GALNT13: variants seen among roughly 807,000 people sequenced by gnomAD.
GALNT13 encodes UDP-GalNAc:polypeptide N-acetylgalactosaminyltransferase 13.
GALNT13 carries 28 observed loss-of-function variants against 64.2 expected under a neutral mutation model. That is an observed-to-expected ratio of 0.44 (90% CI 0.32 to 0.60). The LOEUF is 0.60. Ranked by LOEUF, GALNT13 falls within the 20% of genes least tolerant of loss-of-function variation. The pLI, the probability that GALNT13 is intolerant of heterozygous loss-of-function variation, is 0.05. For synonymous variants in GALNT13, 214 were observed against 224.6 expected, an observed-to-expected ratio of 0.95 and a Z score of 0.42; for missense variants, 577 against 669.8, an observed-to-expected ratio of 0.86 and a Z score of 1.53.
the GALNT13 span, among the ~76,000 whole-genome samples, chr2:153,562,700 A>G: frequency 6.6e-6 from 1 of 152,188 alleles, no homozygotes; most frequent in East Asian, 1.9e-4. Context: ...AGTAATTGAA[A>G]GTTATTTTGG....
At chr2:153,151,485 T>TA in the GALNT13 span, among the ~76,000 whole-genome samples, 1 of 152,158 alleles carries the variant, frequency 6.6e-6, no homozygotes, top group Admixed American at 6.5e-5. Flanking sequence ...ACTGGGTATA[T>TA]ACCCAAAGGA....
intron 4 of GALNT13, among the ~76,000 whole-genome samples, chr2:154,158,305 A>T (rs1684541487): frequency 6.6e-6 from 1 of 152,156 alleles, no homozygotes; most frequent in Admixed American, 6.6e-5. Context: ...AGGCCAAACC[A>T]GGAAGTCTCA....
At chr2:154,181,289 A>G (rs1170267746) in intron 4 of GALNT13, among the ~76,000 whole-genome samples, 1 of 152,190 alleles carries the variant, frequency 6.6e-6, no homozygotes, top group East Asian at 1.9e-4. Context: ...ATTTAGAAGG[A>G]AATTAACAAA....
chr2:153,537,223 G>A, the GALNT13 span, among the ~76,000 whole-genome samples: 1 of 152,182 alleles, frequency 6.6e-6, no homozygotes. Flanking sequence ...ACATGAAGAT[G>A]AAAATTGAAC....
At chr2:153,883,568 GAA>G (rs1686930427) in intron 1 of GALNT13, among the ~76,000 whole-genome samples, 1 of 152,032 alleles carries the variant, frequency 6.6e-6, no homozygotes, top group Non-Finnish European at 1.5e-5. Context: ...AAGAAAAACA[GAA>G]AGACATGGCA....
At chr2:154,392,139 A>G (rs1559130408) in intron 9 of GALNT13, among the ~76,000 whole-genome samples, 1 of 152,178 alleles carries the variant, frequency 6.6e-6, no homozygotes, top group Non-Finnish European at 1.5e-5. Flanking sequence ...ATGTTACTGA[A>G]ACACAGGGGT....
chr2:153,911,189 T>C (rs1449245389), intron 2 of GALNT13, among the ~76,000 whole-genome samples: 2 of 152,212 alleles, frequency 1.3e-5, no homozygotes, highest in Non-Finnish European at 2.9e-5. Flanking sequence ...TTTTGATCTT[T>C]GTTGATTTAA....
At chr2:153,498,956 T>A in the GALNT13 span, among the ~76,000 whole-genome samples, 2 of 152,060 alleles carry the variant, frequency 1.3e-5, no homozygotes, top group African/African-American at 2.4e-5. Flanking sequence ...CACTCCATTC[T>A]CCTGCCTCAG....
chr2:153,220,722 C>G, the GALNT13 span, among the ~76,000 whole-genome samples: 1 of 152,088 alleles, frequency 6.6e-6, no homozygotes, highest in Admixed American at 6.5e-5. Context: ...AACTCCCACT[C>G]CTGCACATAG....
chr2:153,637,627 T>A, the GALNT13 span, among the ~76,000 whole-genome samples: 37 of 152,274 alleles, frequency 2.4e-4, no homozygotes, highest in African/African-American at 8.4e-4. Flanking sequence ...ATGCATGTTA[T>A]CAATGAGTAT....
intron 3 of GALNT13, among the ~76,000 whole-genome samples, chr2:154,038,764 G>T (rs1196886705): frequency 1.3e-5 from 2 of 151,968 alleles, no homozygotes; most frequent in African/African-American, 4.8e-5. Flanking sequence ...CAGCAAAAGG[G>T]ACATTATAAG....
intron 3 of GALNT13, among the ~76,000 whole-genome samples, chr2:154,121,221 G>C (rs906801685): frequency 3.9e-5 from 6 of 152,200 alleles, no homozygotes; most frequent in African/African-American, 1.4e-4. Flanking sequence ...GGAATTTTCA[G>C]AAGGTTATTG....
At chr2:153,123,203 T>C in the GALNT13 span, among the ~76,000 whole-genome samples, 18,603 of 152,034 alleles carry the variant, frequency 0.12, 1,342 homozygotes, top group East Asian at 0.24. Context: ...ACACCAAGGA[T>C]TGCTGGCAAC....
chr2:153,380,098 G>A, the GALNT13 span, among the ~76,000 whole-genome samples: 2 of 152,182 alleles, frequency 1.3e-5, no homozygotes, highest in South Asian at 4.1e-4. Flanking sequence ...CCACAAAGGA[G>A]CATACAGTTG....
chr2:153,793,278 T>A, the GALNT13 span, among the ~76,000 whole-genome samples: 1 of 152,106 alleles, frequency 6.6e-6, no homozygotes, highest in African/African-American at 2.4e-5. Context: ...GGCCCTGAGG[T>A]AACATTTCAT....
At chr2:153,949,886 A>C (rs1157809246) in intron 3 of GALNT13, among the ~76,000 whole-genome samples, 3 of 152,068 alleles carry the variant, frequency 2.0e-5, no homozygotes, top group Non-Finnish European at 4.4e-5. Context: ...CAATAAATGG[A>C]ACCGAGAATA....
At chr2:154,375,801 T>C (rs999822811) in intron 9 of GALNT13, among the ~76,000 whole-genome samples, 1 of 152,218 alleles carries the variant, frequency 6.6e-6, no homozygotes, top group African/African-American at 2.4e-5. Context: ...ACTGCATGTA[T>C]GCTTTTGAAG....
the GALNT13 span, among the ~76,000 whole-genome samples, chr2:153,291,054 G>C: frequency 6.6e-6 from 1 of 152,038 alleles, no homozygotes; most frequent in Non-Finnish European, 1.5e-5. Context: ...AAGAAAATTT[G>C]TGTTTTCTCA....
intron 9 of GALNT13, among the ~76,000 whole-genome samples, chr2:154,350,698 A>G (rs1302933576): frequency 6.6e-6 from 1 of 152,056 alleles, no homozygotes; most frequent in Non-Finnish European, 1.5e-5. Context: ...TACACTCCCT[A>G]CTATGTGCAA....
Sources: allele counts gnomAD v4.1 joint callset (sites outside exome capture counted in the v4.1 genomes callset), GRCh38; gene constraint gnomAD v4.1.1; transcripts MANE v1.5; gene names NCBI Gene and HGNC (gene_info 2026-07-23, HGNC 2026-07-21).